The following CAMKK1 variants were observed in gnomAD, a reference collection of about 807,000 sequenced individuals.
CAMKK1 encodes calcium/calmodulin-dependent protein kinase kinase 1.
A neutral mutation model predicts 63.5 loss-of-function variants in CAMKK1; 20 were observed. The observed-to-expected ratio is 0.32, with a 90% CI of 0.22 to 0.46. The LOEUF (loss-of-function observed/expected upper bound fraction) is 0.46. Among genes scored for constraint, CAMKK1 ranks in the 20% least tolerant of loss-of-function variants. The pLI is 1.00. For synonymous variants in CAMKK1, 253 were observed against 269.0 expected (o/e 0.94, Z 0.58); for missense variants, 588 against 658.1 (o/e 0.89, Z 1.17).
At chr17:3,891,783 G>A (rs952553368) in intron 1 of CAMKK1, among the ~76,000 whole-genome samples, 3 of 152,164 alleles carry the variant, frequency 2.0e-5, no homozygotes, top group Non-Finnish European at 2.9e-5. Context: ...GCATATAGGA[G>A]AGTCATTTCC....
Position 3,882,606 on chromosome 17 carries a change from C to T in CAMKK1, c.649-42G>A, listed in dbSNP as rs755270548. The T allele has an allele frequency of 3.8e-6, 6 of 1,569,976 alleles. No individual in the cohort carries two copies. The African/African-American group carries it at 4.1e-5, about 11-fold the overall frequency. On this transcript the variant is annotated intron_variant, in intron 6 of 15. Coordinates refer to ENST00000348335, the MANE Select transcript of CAMKK1 (RefSeq NM_032294.3). The surrounding 1 kb of genome is among the most constrained non-coding windows in gnomAD (Gnocchi z 4.3). ...GACATGGGGGTGGGGCTTGAGGAGG[C>T]GTGGGGTTGGAGGTCCCAGGCCTCC...
intron 9 of CAMKK1, chr17:3,878,721 G>C (rs908034143): frequency 6.6e-6 from 1 of 152,182 alleles, no homozygotes; most frequent in Non-Finnish European, 1.5e-5. Flanking sequence ...TCCCCACCCT[G>C]TTCCCCCAGG....
intron 9 of CAMKK1, 74 bp from the exon 10 acceptor site, chr17:3,876,496 C>T (rs2055161578): frequency 7.5e-7 from 1 of 1,327,686 alleles, no homozygotes; most frequent in Non-Finnish European, 1.1e-6. Context: ...CGTCCTTGCA[C>T]AGCCAGGGAC....
chr17:3,872,691 A>AC lies in CAMKK1; in HGVS notation c.1051-65dup, dbSNP rs1264361647. 35 of 1,425,860 alleles carry AC rather than the reference A, an allele frequency of 2.5e-5. No homozygotes were observed. In the Middle Eastern group the frequency reaches 5.3e-4, roughly 21 times the overall value. The allele number at this position is 1,425,860 out of a possible 1,614,324, so 88.3% of individuals were successfully genotyped here. A position where few individuals can be genotyped will look rare whatever the true frequency, so the allele number is the denominator to read the frequency against. ...GGCCTCGACCTGTGCCAGGGGATCA[A>AC]CCCCCCTCCCTTGGTGGGGGCAGGG... On this transcript the variant is annotated intron_variant, in intron 11 of 15. Transcript: ENST00000348335.
chr17:3,871,355 T>TG (rs2054853818), intron 12 of CAMKK1, among the ~76,000 whole-genome samples: 1 of 88,498 alleles, frequency 1.1e-5, no homozygotes, highest in Non-Finnish European at 1.9e-5. Context: ...TTGTTTTTTT[T>TG]TTTTTTTTTT....
rs770267244 is a variant in CAMKK1 at position 3,883,214 on chromosome 17, G to A, written c.515-39C>T. On this transcript the variant is annotated intron_variant, in intron 5 of 15. Transcript: ENST00000348335. This position sits in a 1 kb window ranked among gnomAD's most constrained non-coding sequence, Gnocchi z 4.7. ...GAGAACTCAAACACCTGTTCCAGGT[G>A]GCTGGGCCTCACCGTGGCCCCCAAA... is the stretch of plus-strand genomic sequence containing the variant. The A allele has an allele frequency of 6.9e-6, 11 of 1,604,486 alleles. No individual in the cohort carries two copies. Among genetic ancestry groups the A allele is most frequent in the Middle Eastern group, 3.7e-4 (2 of 5,410 alleles).
intron 11 of CAMKK1, 124 bp from the exon 12 acceptor site, chr17:3,872,751 A>G (rs1244237605): frequency 1.3e-5 from 9 of 719,246 alleles, no homozygotes; most frequent in African/African-American, 8.7e-5. Context: ...TTACATGAGA[A>G]GGACCTCAAC....
intron 14 of CAMKK1, among the ~76,000 whole-genome samples, chr17:3,867,034 T>C (rs9904701): frequency 0.02 from 2,984 of 152,318 alleles, 91 homozygotes; most frequent in African/African-American, 0.068. Flanking sequence ...ATACAGCTTA[T>C]ATTCTAGTTG....
At chr17:3,871,599 G>A (rs1306404685) in intron 12 of CAMKK1, among the ~76,000 whole-genome samples, 137 of 149,002 alleles carry the variant, frequency 9.2e-4, no homozygotes, top group Non-Finnish European at 1.3e-3. Context: ...CTCGTGATCC[G>A]CCCTCCTTGG....
At position 3,860,523 on chromosome 17, in the gene CAMKK1, G is replaced by A. The variant is rs969210652; in HGVS notation, c.*1688C>T. ...TCCAAGGGTGGGTCCGATCAAAGTG[G>A]TCCCCCCAGACCAGATGCTCAAGAA... On this transcript the variant is annotated 3_prime_UTR_variant, in exon 16 of 16. Coordinates refer to ENST00000348335, the MANE Select transcript of CAMKK1 (RefSeq NM_032294.3). The A allele has an allele frequency of 2.2e-4, 34 of 152,740 alleles. No individual in the cohort carries two copies. The highest frequency in any genetic ancestry group is 7.5e-4 in the African/African-American group (31 of 41,560). 9.5% of individuals were successfully genotyped at this position (152,740 alleles called of 1,614,324 possible). A position where few individuals can be genotyped will look rare whatever the true frequency, so the allele number is the denominator to read the frequency against.
chr17:3,884,312 C>G lies in CAMKK1; in HGVS notation c.408+68G>C, dbSNP rs370829591. On this transcript the variant is annotated intron_variant, in intron 3 of 15. Coordinates refer to ENST00000348335, the MANE Select transcript of CAMKK1 (RefSeq NM_032294.3). This position sits in a 1 kb window ranked among gnomAD's most constrained non-coding sequence, Gnocchi z 4.5. ...GCTCTGCCTCCCGTTCCCTCCCACA[C>G]GAGAGAAGGAGCAGCGCCAAACAGA... 394 of 1,541,764 alleles carry G rather than the reference C, an allele frequency of 2.6e-4. 1 individual carries two copies. Among genetic ancestry groups the G allele is most frequent in the South Asian group, 3.3e-4 (29 of 89,170 alleles).
intron 8 of CAMKK1, among the ~76,000 whole-genome samples, chr17:3,881,003 G>A (rs1283455422): frequency 3.3e-5 from 5 of 152,152 alleles, no homozygotes; most frequent in Non-Finnish European, 5.9e-5. Flanking sequence ...GTAGGGAGCC[G>A]CCCAGGCAAA....
chr17:3,868,084 CGTGGGCTCTGGGGG>C (rs1567613049), intron 14 of CAMKK1, among the ~76,000 whole-genome samples: 1,558 of 91,362 alleles, frequency 0.017, 597 homozygotes, highest in Admixed American at 0.022. Flanking sequence ...CTAACTGATA[CGTGGGCTCTGGGGG>C]AGAAGCAGGC....
chr17:3,865,830 A>G (rs895603893), intron 15 of CAMKK1, 78 bp downstream of exon 15: 10 of 1,589,548 alleles, frequency 6.3e-6, no homozygotes, highest in Non-Finnish European at 7.7e-6. Flanking sequence ...AACGACAGTG[A>G]GAGTGGGAGG....
chr17:3,865,845 G>A, intron 15 of CAMKK1, 63 bp downstream of exon 15: 2 of 1,603,030 alleles, frequency 1.2e-6, no homozygotes, highest in Non-Finnish European at 8.5e-7. Context: ...GGGAGGATGG[G>A]CCTCAGACCT....
chr17:3,878,095 G>A (rs968959788), intron 9 of CAMKK1, among the ~76,000 whole-genome samples: 2 of 152,056 alleles, frequency 1.3e-5, no homozygotes, highest in African/African-American at 2.4e-5. Flanking sequence ...CTGCTCATCA[G>A]CAAGGTCTGT....
intron 12 of CAMKK1, among the ~76,000 whole-genome samples, chr17:3,870,947 T>C (rs540613900): frequency 6.3e-4 from 95 of 151,362 alleles, no homozygotes; most frequent in African/African-American, 2.1e-3. Flanking sequence ...GGAAAGGGAG[T>C]GAGGCGGCCC....
chr17:3,868,406 G>A (rs1306455395), intron 14 of CAMKK1, among the ~76,000 whole-genome samples: 1 of 116,202 alleles, frequency 8.6e-6, no homozygotes, highest in Non-Finnish European at 2.1e-5. Context: ...CTGATATGTG[G>A]GCTCTGGGGG....
intron 15 of CAMKK1, among the ~76,000 whole-genome samples, chr17:3,863,037 T>A (rs971724034): frequency 6.6e-6 from 1 of 152,264 alleles, no homozygotes; most frequent in African/African-American, 2.4e-5. Context: ...GCAGAGTCCA[T>A]CTATCAGTCT....
Sources: allele counts gnomAD v4.1 joint callset (sites outside exome capture counted in the v4.1 genomes callset), GRCh38; gene constraint gnomAD v4.1.1; non-coding constraint Gnocchi (gnomAD v3.1); transcripts MANE v1.5; gene names NCBI Gene and HGNC (gene_info 2026-07-23, HGNC 2026-07-21).